Variants in SAP30BP observed in about 807,000 individuals in gnomAD.
SAP30BP encodes the protein SAP30-binding protein.
SAP30BP carries 31 observed loss-of-function variants against 46.3 expected under a neutral mutation model. That is an observed-to-expected ratio of 0.67 (90% confidence interval 0.50 to 0.90). The LOEUF is 0.90. Ranked by LOEUF, SAP30BP falls within the 40% of genes least tolerant of loss-of-function variation. The pLI, the probability that SAP30BP is intolerant of heterozygous loss-of-function variation, is 0.00. For missense variants in SAP30BP, 312 were observed against 391.0 expected, an observed-to-expected ratio of 0.80 and a Z score of 1.70; for synonymous variants, 169 against 144.2, an observed-to-expected ratio of 1.17 and a Z score of -1.23.
chr17:75,673,476 G>A (rs546766281), intron 3 of SAP30BP, among the ~76,000 whole-genome samples: 1 of 152,314 alleles, frequency 6.6e-6, no homozygotes, highest in Non-Finnish European at 1.5e-5. Context: ...ACAAGCCCAG[G>A]GAGCCGTTAA....
intron 3 of SAP30BP, among the ~76,000 whole-genome samples, chr17:75,677,297 G>A (rs1009762991): frequency 2.6e-5 from 4 of 151,700 alleles, no homozygotes; most frequent in African/African-American, 9.7e-5. Context: ...TAGAGACAGG[G>A]TTTCACCATA....
intron 6 of SAP30BP, chr17:75,703,083 T>A (rs976758990): frequency 3.5e-6 from 2 of 567,718 alleles, no homozygotes; most frequent in Non-Finnish European, 6.3e-6. Context: ...AGACTGAAGG[T>A]CAGTGAGACA....
chr17:75,690,697 A>G (rs1472898279), intron 3 of SAP30BP: 2 of 456,688 alleles, frequency 4.4e-6, no homozygotes, highest in South Asian at 3.1e-5. Flanking sequence ...TGACAGAGGC[A>G]CCCAGGGCTC....
intron 3 of SAP30BP, among the ~76,000 whole-genome samples, chr17:75,675,885 C>T (rs942279318): frequency 2.0e-5 from 3 of 152,204 alleles, no homozygotes; most frequent in African/African-American, 4.8e-5. Context: ...TCACTGCACT[C>T]CAGCCTGGGT....
intron 3 of SAP30BP, among the ~76,000 whole-genome samples, chr17:75,677,643 A>G (rs1036765529): frequency 2.0e-4 from 26 of 129,742 alleles, no homozygotes; most frequent in African/African-American, 7.4e-4. Context: ...TTGGGGTTTC[A>G]CCATGTTGGT....
At chr17:75,672,131 C>A (rs1027412151) in intron 3 of SAP30BP, 1 of 458,522 alleles carries the variant, frequency 2.2e-6, no homozygotes, top group East Asian at 4.0e-5. Flanking sequence ...GGCCAACAAC[C>A]CACTTGCATT....
At chr17:75,701,408 G>T (rs554057291) in intron 5 of SAP30BP, among the ~76,000 whole-genome samples, 1 of 152,120 alleles carries the variant, frequency 6.6e-6, no homozygotes, top group Non-Finnish European at 1.5e-5. Flanking sequence ...TGCTGATGCC[G>T]TCTACTTTGG....
At chr17:75,704,978 C>T (rs1388568881) in intron 9 of SAP30BP, 164 bp downstream of exon 9, 4 of 634,882 alleles carry the variant, frequency 6.3e-6, no homozygotes, top group Non-Finnish European at 1.1e-5. Flanking sequence ...AGCAGACCTG[C>T]TGGGTTCACG....
At chr17:75,689,507 A>G (rs75355287) in intron 3 of SAP30BP, among the ~76,000 whole-genome samples, 1 of 152,234 alleles carries the variant, frequency 6.6e-6, no homozygotes, top group African/African-American at 2.4e-5. Flanking sequence ...CACCTTCCTT[A>G]GGAACTGGGT....
intron 4 of SAP30BP, among the ~76,000 whole-genome samples, chr17:75,695,792 G>A (rs2060308640): frequency 6.6e-6 from 1 of 152,118 alleles, no homozygotes; most frequent in African/African-American, 2.4e-5. Context: ...CCAAACCACA[G>A]GCATCTGCAG....
At chr17:75,670,189 G>A (rs573612555) in intron 2 of SAP30BP, among the ~76,000 whole-genome samples, 2 of 152,038 alleles carry the variant, frequency 1.3e-5, no homozygotes, top group East Asian at 1.9e-4. Context: ...GGGCATGGTG[G>A]TACGCACCTG....
intron 9 of SAP30BP, 111 bp downstream of exon 9, chr17:75,704,925 C>A: frequency 1.2e-6 from 1 of 835,652 alleles, no homozygotes; most frequent in Non-Finnish European, 2.1e-6. Flanking sequence ...CCCGTGTCAT[C>A]ACCCGGCGAT....
intron 6 of SAP30BP, 107 bp downstream of exon 6, chr17:75,702,678 A>G: frequency 1.8e-6 from 1 of 552,260 alleles, no homozygotes; most frequent in Non-Finnish European, 3.3e-6. Flanking sequence ...CCAAACCATC[A>G]CCCAGACTTG....
intron 9 of SAP30BP, chr17:75,705,754 G>T: frequency 9.0e-7 from 1 of 1,108,844 alleles, no homozygotes; most frequent in Non-Finnish European, 1.2e-6. Flanking sequence ...GTGGGCGGGG[G>T]GTGCCGGGCA....
intron 3 of SAP30BP, among the ~76,000 whole-genome samples, chr17:75,689,980 G>A (rs1474871991): frequency 6.6e-6 from 1 of 152,126 alleles, no homozygotes; most frequent in African/African-American, 2.4e-5. Flanking sequence ...TGGGAGGGAG[G>A]TGAGGAATGA....
intron 4 of SAP30BP, among the ~76,000 whole-genome samples, chr17:75,695,242 G>A (rs1461524040): frequency 6.6e-6 from 1 of 152,206 alleles, no homozygotes; most frequent in African/African-American, 2.4e-5. Context: ...CAGTGTCCTT[G>A]GTCTCTACCC....
intron 3 of SAP30BP, chr17:75,690,700 C>G (rs188745707): frequency 8.8e-5 from 40 of 456,682 alleles, no homozygotes; most frequent in African/African-American, 7.2e-4. Flanking sequence ...CAGAGGCACC[C>G]AGGGCTCAGC....
rs533419241 is a variant in SAP30BP, at chr17:75,671,737, C to T, written c.217-79C>T. 161 of 1,106,908 alleles carry T rather than the reference C, an allele frequency of 1.5e-4. 1 individual carries two copies. The South Asian group carries it at 2.0e-3, about 13-fold the overall frequency. 68.6% of individuals were successfully genotyped at this position (1,106,908 alleles called of 1,614,324 possible). A position where few individuals can be genotyped will look rare whatever the true frequency, so the allele number is the denominator to read the frequency against. ...CCCAGCTGGGTAAATGGGCTGTTTG[C>T]TCCGGCCCCTAGTTATGCATGTGAG... On this transcript the variant is annotated intron_variant, in intron 2 of 10. Coordinates refer to ENST00000584667, the MANE Select transcript of SAP30BP (RefSeq NM_013260.8).
intron 7 of SAP30BP, 102 bp downstream of exon 7, chr17:75,703,473 C>A: frequency 9.9e-7 from 1 of 1,007,038 alleles, no homozygotes; most frequent in Non-Finnish European, 1.5e-6. Context: ...CACGTGGTGG[C>A]ACGGCTCGTT....
Sources: allele counts gnomAD v4.1 joint callset (sites outside exome capture counted in the v4.1 genomes callset), GRCh38; gene constraint gnomAD v4.1.1; transcripts MANE v1.5; gene names NCBI Gene and HGNC (gene_info 2026-07-23, HGNC 2026-07-21).